ZBTB7C: variants seen among roughly 807,000 people sequenced by gnomAD.
ZBTB7C encodes zinc finger and BTB domain containing 7C.
A neutral mutation model predicts 25.7 loss-of-function variants in ZBTB7C; 8 were observed. The ratio of observed to expected loss-of-function variants is 0.31; its 90% CI spans 0.18 to 0.56. The LOEUF (loss-of-function observed/expected upper bound fraction) is 0.56. Ranked by LOEUF, ZBTB7C falls within the 20% of genes least tolerant of loss-of-function variation. ZBTB7C has a pLI of 0.91. For synonymous variants in ZBTB7C, 394 were observed against 369.0 expected (o/e 1.07, Z -0.78); for missense variants, 824 against 855.2 (o/e 0.96, Z 0.46).
chr18:48,349,967 A>G (rs2046826735), intron 1 of ZBTB7C, among the ~76,000 whole-genome samples: 1 of 152,234 alleles, frequency 6.6e-6, no homozygotes, highest in African/African-American at 2.4e-5. Context: ...TATGTCCCAC[A>G]GCATTGACAG....
chr18:48,081,959 G>A (rs2038004364), intron 3 of ZBTB7C, among the ~76,000 whole-genome samples: 1 of 124,010 alleles, frequency 8.1e-6, no homozygotes, highest in Non-Finnish European at 1.6e-5. Flanking sequence ...AAAATATATT[G>A]CAAAAATTAA....
At chr18:48,376,361 C>T (rs1014885673) in intron 1 of ZBTB7C, among the ~76,000 whole-genome samples, 3 of 152,218 alleles carry the variant, frequency 2.0e-5, no homozygotes, top group Admixed American at 6.5e-5. Context: ...TCTCCAGCCA[C>T]GCTGTGTAGA....
intron 1 of ZBTB7C, among the ~76,000 whole-genome samples, chr18:48,366,829 G>A (rs1370520933): frequency 6.6e-6 from 1 of 152,132 alleles, no homozygotes; most frequent in Non-Finnish European, 1.5e-5. Flanking sequence ...TCTACAGCTG[G>A]TGAAGTTTAA....
intron 2 of ZBTB7C, among the ~76,000 whole-genome samples, chr18:48,187,698 G>A (rs903042668): frequency 6.6e-6 from 1 of 151,836 alleles, no homozygotes; most frequent in African/African-American, 2.4e-5. Flanking sequence ...GCCGGTGCCT[G>A]TAGTACCAGC....
intron 1 of ZBTB7C, among the ~76,000 whole-genome samples, chr18:48,379,651 T>C (rs1206079886): frequency 6.6e-6 from 1 of 152,038 alleles, no homozygotes; most frequent in South Asian, 2.1e-4. Context: ...AACCTTCAGA[T>C]CTATGAAAGA....
intron 3 of ZBTB7C, among the ~76,000 whole-genome samples, chr18:48,074,132 G>C (rs2037665454): frequency 6.6e-6 from 1 of 151,164 alleles, no homozygotes. Context: ...TCCTGTCTCA[G>C]CCTCCTGAGT....
chr18:48,327,485 C>T (rs1431721383), intron 2 of ZBTB7C, among the ~76,000 whole-genome samples: 3 of 152,156 alleles, frequency 2.0e-5, no homozygotes, highest in Non-Finnish European at 4.4e-5. Flanking sequence ...ACTCACTGAT[C>T]CCCAGCTCAC....
intron 3 of ZBTB7C, among the ~76,000 whole-genome samples, chr18:48,154,154 C>T (rs763072447): frequency 3.9e-5 from 6 of 152,174 alleles, no homozygotes; most frequent in East Asian, 1.9e-4. Context: ...TCTGGGCTTG[C>T]GACCCTGTCA....
intron 3 of ZBTB7C, chr18:48,137,332 C>T (rs1233782734): frequency 1.0e-6 from 1 of 985,288 alleles, no homozygotes; most frequent in Non-Finnish European, 1.2e-6. Flanking sequence ...AAAGGTAAAG[C>T]AGAAATAAAG....
intron 1 of ZBTB7C, among the ~76,000 whole-genome samples, chr18:48,397,257 A>G (rs997903290): frequency 6.6e-6 from 1 of 152,166 alleles, no homozygotes; most frequent in African/African-American, 2.4e-5. Context: ...TGCTGCAATT[A>G]CTTCCCCATG....
chr18:48,128,072 G>C (rs1449176226), intron 3 of ZBTB7C, among the ~76,000 whole-genome samples: 1 of 152,206 alleles, frequency 6.6e-6, no homozygotes, highest in East Asian at 1.9e-4. Flanking sequence ...CTGTTACCAT[G>C]AAGAGCTCCA....
rs566347560 is a variant in ZBTB7C at position 48,211,468 on chromosome 18, C to A, written c.-78-25473G>T. ...ATAAAGAACTGGTATCCAAAATACA[C>A]AAAGAACTCTTAAAACTCAAACTAA... On this transcript the variant is annotated intron_variant, in intron 2 of 4. Transcript: ENST00000590800. Among the ~76,000 whole-genome samples, 206 of 152,178 alleles carry A rather than the reference C, an allele frequency of 1.4e-3. 1 individual carries two copies. Among genetic ancestry groups the A allele is most frequent in the Non-Finnish European group, 1.9e-3 (131 of 68,002 alleles).
intron 3 of ZBTB7C, among the ~76,000 whole-genome samples, chr18:48,121,637 T>C (rs1241480592): frequency 6.6e-6 from 1 of 152,094 alleles, no homozygotes; most frequent in Admixed American, 6.5e-5. Flanking sequence ...CATGTGAAAC[T>C]GATGGGCAGC....
intron 3 of ZBTB7C, among the ~76,000 whole-genome samples, chr18:48,098,337 G>C (rs1360022635): frequency 6.6e-6 from 1 of 152,114 alleles, no homozygotes; most frequent in African/African-American, 2.4e-5. Flanking sequence ...CATTTTACCC[G>C]GCTGACTCTG....
chr18:48,398,142 C>A (rs1263904260), intron 1 of ZBTB7C, among the ~76,000 whole-genome samples: 1 of 152,202 alleles, frequency 6.6e-6, no homozygotes, highest in Non-Finnish European at 1.5e-5. Flanking sequence ...GGAAGCAGAT[C>A]TCCCTCAACT....
intron 3 of ZBTB7C, among the ~76,000 whole-genome samples, chr18:48,134,009 A>C (rs2040069003): frequency 6.6e-6 from 1 of 151,862 alleles, no homozygotes; most frequent in Admixed American, 6.6e-5. Flanking sequence ...TGATAATCTC[A>C]ATATTGGGGG....
At chr18:48,315,012 T>C (rs1372887474) in intron 2 of ZBTB7C, among the ~76,000 whole-genome samples, 1 of 152,122 alleles carries the variant, frequency 6.6e-6, no homozygotes, top group Non-Finnish European at 1.5e-5. Flanking sequence ...ATGGTGACCA[T>C]GGGCATGGCA....
At chr18:48,102,598 A>G (rs1263286777) in intron 3 of ZBTB7C, among the ~76,000 whole-genome samples, 1 of 150,310 alleles carries the variant, frequency 6.7e-6, no homozygotes, top group Non-Finnish European at 1.5e-5. Context: ...TAACTAACCT[A>G]GTCCTCTTGG....
intron 1 of ZBTB7C, among the ~76,000 whole-genome samples, chr18:48,388,552 G>A (rs957205417): frequency 7.9e-5 from 12 of 152,154 alleles, no homozygotes; most frequent in Non-Finnish European, 1.6e-4. Context: ...AAATTCATGA[G>A]AGAAGTTGGC....
Sources: gnomAD v4.1 joint callset for allele counts (sites outside exome capture counted in the v4.1 genomes callset) on GRCh38, gnomAD v4.1.1 for gene constraint, MANE v1.5 for transcripts, NCBI Gene and HGNC (gene_info 2026-07-23, HGNC 2026-07-21) for gene names.